RPS6KA5: variants seen among roughly 807,000 people sequenced by gnomAD.
The protein encoded by RPS6KA5 is ribosomal protein S6 kinase A5.
RPS6KA5 carries 27 observed loss-of-function variants against 85.5 expected under a neutral mutation model. That is an observed-to-expected ratio of 0.32 (90% CI 0.23 to 0.44). The LOEUF (loss-of-function observed/expected upper bound fraction) is 0.44, where lower values mean the gene tolerates loss of function less well. RPS6KA5 is among the 20% of genes least tolerant of loss of function. The pLI is 1.00. For missense variants in RPS6KA5, 811 were observed against 980.9 expected (o/e 0.83, Z 2.31); for synonymous variants, 334 against 348.2 (o/e 0.96, Z 0.46).
chr14:90,969,593 T>C (rs1157450260), intron 3 of RPS6KA5, among the ~76,000 whole-genome samples: 2 of 152,214 alleles, frequency 1.3e-5, no homozygotes, highest in East Asian at 3.8e-4. Context: ...AGTCAGCTTG[T>C]AGGAGGGGAA....
chr14:91,030,469 C>T (rs932625100), intron 1 of RPS6KA5, among the ~76,000 whole-genome samples: 4 of 151,784 alleles, frequency 2.6e-5, no homozygotes, highest in Non-Finnish European at 5.9e-5. Flanking sequence ...ATGGAGCTCC[C>T]GGTGAAAAAC....
intron 2 of RPS6KA5, 95 bp downstream of exon 2, chr14:91,000,993 T>C: frequency 1.5e-6 from 1 of 686,952 alleles, no homozygotes. Flanking sequence ...TCATGCTTTT[T>C]AAATTTTAAT....
intron 14 of RPS6KA5, among the ~76,000 whole-genome samples, chr14:90,882,555 G>A (rs1479999419): frequency 6.6e-6 from 1 of 152,256 alleles, no homozygotes; most frequent in East Asian, 1.9e-4. Flanking sequence ...CTTACAGAGC[G>A]GCGTTAGTGG....
At position 91,031,029 on chromosome 14, in the gene RPS6KA5, A is replaced by G. The variant is rs1035319735; in HGVS notation, c.103+29303T>C. 4.6e-5 allele frequency among the ~76,000 whole-genome samples: 7 copies of G among 152,300 alleles called. No homozygotes were observed. The South Asian group carries it at 6.2e-4, about 14-fold the overall frequency. On this transcript the variant is annotated intron_variant, in intron 1 of 16. Coordinates refer to ENST00000614987, the MANE Select transcript of RPS6KA5 (RefSeq NM_004755.4). ...CAGAACTAAAGGAGTTTTAATGGGC[A>G]TACTCAGTGCTTAGCAAATAAATTT...
At chr14:90,986,310 A>C (rs565867060) in intron 2 of RPS6KA5, among the ~76,000 whole-genome samples, 1 of 152,300 alleles carries the variant, frequency 6.6e-6, no homozygotes, top group Non-Finnish European at 1.5e-5. Context: ...CTAACTGAAG[A>C]ATCATATTAA....
At chr14:90,931,782 A>C (rs2036994656) in intron 5 of RPS6KA5, among the ~76,000 whole-genome samples, 1 of 152,212 alleles carries the variant, frequency 6.6e-6, no homozygotes, top group African/African-American at 2.4e-5. Context: ...GAAACAACCT[A>C]AATGTACCTC....
At chr14:90,897,321 T>C (rs961983786) in intron 12 of RPS6KA5, among the ~76,000 whole-genome samples, 3 of 152,212 alleles carry the variant, frequency 2.0e-5, no homozygotes, top group Non-Finnish European at 4.4e-5. Flanking sequence ...CCAATGGGCC[T>C]GATTTTGGAC....
intron 2 of RPS6KA5, among the ~76,000 whole-genome samples, chr14:90,981,101 AT>A (rs1418200805): frequency 1.3e-5 from 2 of 152,158 alleles, no homozygotes; most frequent in Admixed American, 1.3e-4. Flanking sequence ...AACCTGGGAG[AT>A]GGAGGTTGCA....
intron 1 of RPS6KA5, among the ~76,000 whole-genome samples, chr14:91,059,171 C>T (rs2043488353): frequency 6.7e-6 from 1 of 149,662 alleles, no homozygotes; most frequent in African/African-American, 2.5e-5. Flanking sequence ...CCCCACCCCG[C>T]CCCCACAAAA....
chr14:90,973,694 T>C (rs1321061043), intron 3 of RPS6KA5, among the ~76,000 whole-genome samples: 4 of 152,126 alleles, frequency 2.6e-5, no homozygotes, highest in South Asian at 2.1e-4. Context: ...TTATGAATTA[T>C]ATGGTGTTCA....
chr14:90,947,158 T>C (rs1403997021), intron 4 of RPS6KA5, among the ~76,000 whole-genome samples: 3 of 152,230 alleles, frequency 2.0e-5, no homozygotes, highest in Non-Finnish European at 2.9e-5. Flanking sequence ...AAAGCTTTTA[T>C]TATAATGATA....
intron 3 of RPS6KA5, among the ~76,000 whole-genome samples, chr14:90,970,345 A>G (rs991014688): frequency 2.6e-5 from 4 of 152,202 alleles, no homozygotes; most frequent in Non-Finnish European, 5.9e-5. Flanking sequence ...AGCAATTACA[A>G]TTATTGCTCA....
At chr14:90,905,252 TTAAC>T (rs2035437362) in intron 8 of RPS6KA5, among the ~76,000 whole-genome samples, 1 of 152,090 alleles carries the variant, frequency 6.6e-6, no homozygotes, top group Non-Finnish European at 1.5e-5. Flanking sequence ...AACATGAAGC[TTAAC>T]TGACAGTTTT....
chr14:91,051,083 G>A (rs1051543175), intron 1 of RPS6KA5, among the ~76,000 whole-genome samples: 3 of 151,416 alleles, frequency 2.0e-5, no homozygotes, highest in African/African-American at 7.3e-5. Context: ...ACAAAAATAA[G>A]CTAAGCGTGG....
chr14:90,870,413 T>C lies in RPS6KA5; in HGVS notation c.*1661A>G, dbSNP rs962280416. ...GGCCAGCAAAAAGTGTAAAATATTA[T>C]TCCCAATAACCACTGTGGACAAAAT... On this transcript the variant is annotated 3_prime_UTR_variant, in exon 17 of 17. Transcript: ENST00000614987. The C allele has an allele frequency of 3.9e-5, 6 of 152,194 alleles. No homozygotes were observed. The highest frequency in any genetic ancestry group is 2.0e-4 in the Admixed American group (3 of 15,276). The allele number at this position is 152,194 out of a possible 1,614,324, so 9.4% of individuals were successfully genotyped here.
intron 13 of RPS6KA5, among the ~76,000 whole-genome samples, chr14:90,891,831 T>G (rs2034580081): frequency 6.6e-6 from 1 of 152,110 alleles, no homozygotes; most frequent in South Asian, 2.1e-4. Context: ...TTGGGAGAAG[T>G]CTTTTAGCAA....
intron 2 of RPS6KA5, among the ~76,000 whole-genome samples, chr14:90,989,525 T>C (rs2040211724): frequency 6.6e-6 from 1 of 152,222 alleles, no homozygotes; most frequent in African/African-American, 2.4e-5. Flanking sequence ...CTAAAGTCTT[T>C]AGCTGAGACC....
chr14:90,995,197 T>C (rs1374330377), intron 2 of RPS6KA5, among the ~76,000 whole-genome samples: 1 of 152,016 alleles, frequency 6.6e-6, no homozygotes, highest in Admixed American at 6.6e-5. Context: ...GGCTAATTTT[T>C]GTATTTTTAG....
At chr14:90,961,157 C>G (rs2038775917) in intron 3 of RPS6KA5, among the ~76,000 whole-genome samples, 1 of 152,206 alleles carries the variant, frequency 6.6e-6, no homozygotes, top group African/African-American at 2.4e-5. Context: ...ATTTTAGGCA[C>G]TTCTTTCATG....
Sources: allele counts gnomAD v4.1 joint callset (sites outside exome capture counted in the v4.1 genomes callset), GRCh38; gene constraint gnomAD v4.1.1; transcripts MANE v1.5; gene names NCBI Gene and HGNC (gene_info 2026-07-23, HGNC 2026-07-21).